SANBR: variants seen among roughly 807,000 people sequenced by gnomAD.
SANBR encodes SANT and BTB domain regulator of CSR, also known as SANT and BTB domain regulator of class switch recombination.
In SANBR, 77 loss-of-function variants were observed where a neutral mutation model predicts 101.8. The ratio of observed to expected loss-of-function variants is 0.76; its 90% CI spans 0.63 to 0.91. SANBR has a LOEUF of 0.91. SANBR is among the 40% of genes least tolerant of loss of function. The pLI, the probability that SANBR is intolerant of heterozygous loss-of-function variation, is 0.00. For synonymous variants in SANBR, 279 were observed against 274.7 expected, an observed-to-expected ratio of 1.02 and a Z score of -0.15; for missense variants, 875 against 853.0, an observed-to-expected ratio of 1.03 and a Z score of -0.32.
Position 61,072,821 on chromosome 2 carries a change from C to CTTTTT in SANBR, c.338-612_338-608dup, listed in dbSNP as rs70959893. Among the ~76,000 whole-genome samples, 60 of 31,658 alleles carry CTTTTT rather than the reference C, an allele frequency of 1.9e-3. 2 individuals carry two copies. Among genetic ancestry groups the CTTTTT allele is most frequent in the African/African-American group, 6.0e-3 (45 of 7,454 alleles). The allele number at this position is 31,658 out of a possible 152,430, so 20.8% of individuals were successfully genotyped here. A position where few individuals can be genotyped will look rare whatever the true frequency, so the allele number is the denominator to read the frequency against. On this transcript the variant is annotated intron_variant, in intron 4 of 21. Coordinates refer to ENST00000402291, the MANE Select transcript of SANBR (RefSeq NM_001129993.3). ...AGACTCTTGCTTGTCTCTCATGTTA[C>CTTTTT]TTTTTTTTTTTTTTTTTTTTTTTTT...
chr2:61,081,532 A>G, intron 7 of SANBR, 22 bp downstream of exon 7: 1 of 1,525,684 alleles, frequency 6.6e-7, no homozygotes, highest in Non-Finnish European at 8.7e-7. Context: ...CTTAAAAAAA[A>G]TCAAAGTGCT....
At chr2:61,108,441 A>C in intron 15 of SANBR, 92 bp downstream of exon 15, 1 of 806,600 alleles carries the variant, frequency 1.2e-6, no homozygotes, top group Non-Finnish European at 1.9e-6. Context: ...CTTATTTTAC[A>C]AATTTTAGTT....
chr2:61,070,095 T>A (rs1434302399), intron 2 of SANBR, among the ~76,000 whole-genome samples: 1 of 152,210 alleles, frequency 6.6e-6, no homozygotes, highest in Non-Finnish European at 1.5e-5. Flanking sequence ...ATAAAAAATA[T>A]TTTAGGCTTT....
At chr2:61,067,318 C>T (rs1434274812) in intron 1 of SANBR, among the ~76,000 whole-genome samples, 3 of 152,234 alleles carry the variant, frequency 2.0e-5, no homozygotes, top group South Asian at 2.1e-4. Context: ...AAGTGTTTGA[C>T]GTGGGTAATA....
intron 10 of SANBR, among the ~76,000 whole-genome samples, chr2:61,092,169 A>G (rs907256266): frequency 2.0e-5 from 3 of 152,214 alleles, no homozygotes; most frequent in East Asian, 1.9e-4. Context: ...TTGGTATTCA[A>G]ATCATTCATA....
chr2:61,068,033 C>T (rs576615721), intron 1 of SANBR, among the ~76,000 whole-genome samples: 1 of 152,152 alleles, frequency 6.6e-6, no homozygotes, highest in African/African-American at 2.4e-5. Flanking sequence ...GTGACCTTCT[C>T]GTTAATTCAG....
chr2:61,119,280 C>A (rs1290960468), intron 20 of SANBR, among the ~76,000 whole-genome samples: 2 of 152,134 alleles, frequency 1.3e-5, no homozygotes, highest in Non-Finnish European at 2.9e-5. Context: ...CCCTATAAAA[C>A]TTCTAAAAGG....
chr2:61,097,019 T>C (rs1027124518), intron 11 of SANBR, among the ~76,000 whole-genome samples: 4 of 151,906 alleles, frequency 2.6e-5, no homozygotes, highest in African/African-American at 9.7e-5. Flanking sequence ...CCAGGTGTGG[T>C]TGTGCGCGCC....
downstream of SANBR, among the ~76,000 whole-genome samples, chr2:61,128,947 G>A (rs986573758): frequency 6.6e-5 from 10 of 151,994 alleles, no homozygotes; most frequent in African/African-American, 2.2e-4. Flanking sequence ...GGGAGACAGA[G>A]GGAGATCCTG....
chr2:61,111,746 A>G (rs1050201641), intron 16 of SANBR, among the ~76,000 whole-genome samples: 2 of 152,210 alleles, frequency 1.3e-5, no homozygotes, highest in Non-Finnish European at 2.9e-5. Context: ...GCAACCATGA[A>G]TCTGTTTTGT....
chr2:61,134,331 A>C (rs1487428045), intron 21 of SANBR: 2 of 1,490,858 alleles, frequency 1.3e-6, no homozygotes, highest in African/African-American at 1.4e-5. Flanking sequence ...AGACTTTTAG[A>C]AATAACTGTA....
chr2:61,115,347 T>TA (rs377049833), intron 16 of SANBR, among the ~76,000 whole-genome samples: 1,105 of 30,514 alleles, frequency 0.036, 7 homozygotes, highest in African/African-American at 0.082. Context: ...TATATATATA[T>TA]TTTTTTTTTG....
rs952190040 is a variant in SANBR at position 61,101,695 on chromosome 2, G to A, written c.1366-2158G>A. Among the ~76,000 whole-genome samples, 5 of 150,582 alleles carry A rather than the reference G, an allele frequency of 3.3e-5. No homozygotes were observed. The South Asian group carries it at 6.3e-4, about 19-fold the overall frequency. On this transcript the variant is annotated intron_variant, in intron 12 of 21. Transcript: ENST00000402291. The stretch of plus-strand genomic sequence containing the variant: ...TTACAGTGAGCTGAGATCACTGCAC[G>A]GCAGCCTGGGCAACAGAGCGAGACT...
chr2:61,103,977 C>G lies in SANBR; in HGVS notation c.1490C>G (p.Pro497Arg). The change falls in exon 13 of 22, where the codon CCT becomes CGT. Residue 497 changes from proline (P) to arginine (R), a missense_variant. Physicochemically the swap from Pro to Arg is moderately radical, Grantham distance 103. Coordinates refer to ENST00000402291, the MANE Select transcript of SANBR (RefSeq NM_001129993.3). ...LHKYRDVIVV[P>R]FSKDTVSDVG... is the part of the protein sequence containing the mutation. Reference sequence around the variant, plus strand: ...AAGTACAGAGATGTCATTGTTGTGCCTTTTTCAAAAGATACAGTTAGGTGA... The same window carrying G: ...AAGTACAGAGATGTCATTGTTGTGCGTTTTTCAAAAGATACAGTTAGGTGA... 1 of 1,613,934 alleles carries G rather than the reference C, an allele frequency of 6.2e-7. No homozygotes were observed. The highest frequency in any genetic ancestry group is 8.5e-7 in the Non-Finnish European group (1 of 1,179,896).
intron 16 of SANBR, among the ~76,000 whole-genome samples, chr2:61,111,253 C>T (rs1021439451): frequency 6.6e-6 from 1 of 152,182 alleles, no homozygotes; most frequent in African/African-American, 2.4e-5. Flanking sequence ...ATTAGCCAGG[C>T]GTGGTGGCGG....
exon 22 of SANBR, chr2:61,137,718 G>C (rs1484226405): frequency 6.6e-6 from 1 of 151,722 alleles, no homozygotes; most frequent in Admixed American, 6.6e-5. Context: ...TTTGAAATAA[G>C]ACATAAAACA....
In SANBR at chr2:61,088,396, AAAG is replaced by A. The variant is rs745673214; in HGVS notation, c.1022_1024del (p.Arg341del). 8 of 1,604,136 alleles carry A rather than the reference AAAG, an allele frequency of 5.0e-6. No individual in the cohort carries two copies. In the African/African-American group the frequency reaches 9.4e-5, roughly 19 times the overall value. ...AAGAAACTTTTAACAAAAGAAACAG[AAAG>A]AAGAATTCCTTGCATTCCTGGAAAA... On this transcript the variant is annotated inframe_deletion, in exon 10 of 22. Coordinates refer to ENST00000402291, the MANE Select transcript of SANBR (RefSeq NM_001129993.3).
intron 12 of SANBR, among the ~76,000 whole-genome samples, chr2:61,098,459 T>A (rs1015289080): frequency 9.2e-5 from 14 of 152,166 alleles, no homozygotes; most frequent in African/African-American, 3.4e-4. Flanking sequence ...TTCTGTAATT[T>A]GCCTTTTTTA....
At chr2:61,134,382 C>T (rs1046118458) in intron 21 of SANBR, 4 of 1,134,490 alleles carry the variant, frequency 3.5e-6, no homozygotes, top group African/African-American at 3.1e-5. Flanking sequence ...ACGTTATTCC[C>T]CCACCTAGAT....
Sources: gnomAD v4.1 joint callset for allele counts (sites outside exome capture counted in the v4.1 genomes callset) on GRCh38, gnomAD v4.1.1 for gene constraint, MANE v1.5 for transcripts, NCBI Gene and HGNC (gene_info 2026-07-23, HGNC 2026-07-21) for gene names.